The following CDH13 variants were observed in gnomAD, a reference collection of about 807,000 sequenced individuals.
CDH13 encodes cadherin 13, also known as cadherin-13.
CDH13 carries 24 observed loss-of-function variants against 63.8 expected under a neutral mutation model. The observed-to-expected ratio is 0.38, with a 90% CI of 0.27 to 0.53. CDH13 has a LOEUF of 0.53. Among genes scored for constraint, CDH13 ranks in the 20% least tolerant of loss-of-function variants. CDH13 has a pLI of 0.85. For synonymous variants in CDH13, 503 were observed against 355.3 expected (o/e 1.42, Z -4.67); for missense variants, 1,049 against 903.1 (o/e 1.16, Z -2.07).
chr16:83,033,863 T>A (rs1916607163), intron 3 of CDH13, among the ~76,000 whole-genome samples: 1 of 152,188 alleles, frequency 6.6e-6, no homozygotes, highest in Admixed American at 6.5e-5. Flanking sequence ...TTGGCATGCC[T>A]AGCCTTCTCT....
intron 3 of CDH13, among the ~76,000 whole-genome samples, chr16:83,060,892 T>C (rs2031482034): frequency 6.6e-6 from 1 of 152,174 alleles, no homozygotes; most frequent in Non-Finnish European, 1.5e-5. Flanking sequence ...TTCCAACTGG[T>C]ACTACTTGAT....
At position 83,069,471 on chromosome 16, in the gene CDH13, C is replaced by T. The variant is rs74597847; in HGVS notation, c.366+37253C>T. Among the ~76,000 whole-genome samples the T allele has an allele frequency of 5.2e-3, 798 of 152,248 alleles. 39 individuals carry two copies. The East Asian group carries it at 0.12, about 23-fold the overall frequency. ...ACATTTCATGTATGTAACAGCCCCC[C>T]CTAAGGTAGAAATTGTTATTGTCAT... On this transcript the variant is annotated intron_variant, in intron 3 of 13. Transcript: ENST00000567109.
chr16:83,754,634 A>C (rs1913355968), intron 11 of CDH13, among the ~76,000 whole-genome samples: 1 of 152,178 alleles, frequency 6.6e-6, no homozygotes, highest in Non-Finnish European at 1.5e-5. Flanking sequence ...AAGTCTCATG[A>C]GATCTGATGG....
chr16:83,720,576 C>G (rs1909560163), intron 10 of CDH13, among the ~76,000 whole-genome samples: 1 of 151,826 alleles, frequency 6.6e-6, no homozygotes, highest in Non-Finnish European at 1.5e-5. Flanking sequence ...GACCCCGTCT[C>G]TGTCTTTAAA....
intron 3 of CDH13, among the ~76,000 whole-genome samples, chr16:83,066,796 A>T (rs1249467343): frequency 6.6e-6 from 1 of 152,216 alleles, no homozygotes; most frequent in Admixed American, 6.5e-5. Flanking sequence ...CATGGTCAGC[A>T]CATTTTCTGC....
chr16:83,299,693 G>C (rs2089687280), intron 5 of CDH13, among the ~76,000 whole-genome samples: 1 of 152,186 alleles, frequency 6.6e-6, no homozygotes, highest in African/African-American at 2.4e-5. Flanking sequence ...CAAACACCTT[G>C]ACCAAAAGGC....
intron 4 of CDH13, among the ~76,000 whole-genome samples, chr16:83,186,383 C>G (rs1054559065): frequency 6.6e-6 from 1 of 151,944 alleles, no homozygotes; most frequent in Non-Finnish European, 1.5e-5. Flanking sequence ...TTGATCCACC[C>G]GCCTCGGCCT....
At chr16:83,673,281 A>C (rs1236471620) in intron 9 of CDH13, among the ~76,000 whole-genome samples, 2 of 152,242 alleles carry the variant, frequency 1.3e-5, no homozygotes, top group Non-Finnish European at 2.9e-5. Flanking sequence ...CGGACATAGC[A>C]CATTGCAGTC....
chr16:83,546,443 T>C (rs374229676), intron 7 of CDH13, among the ~76,000 whole-genome samples: 1 of 149,618 alleles, frequency 6.7e-6, no homozygotes, highest in Non-Finnish European at 1.5e-5. Context: ...TTTTTTTTTT[T>C]AATCAAAGAA....
intron 4 of CDH13, among the ~76,000 whole-genome samples, chr16:83,155,992 C>T (rs1360822255): frequency 6.6e-6 from 1 of 152,128 alleles, no homozygotes; most frequent in Non-Finnish European, 1.5e-5. Flanking sequence ...CGGGTGAGTC[C>T]ACATGCAGCC....
chr16:82,794,839 T>C (rs1166465836), intron 1 of CDH13, among the ~76,000 whole-genome samples: 10 of 152,212 alleles, frequency 6.6e-5, no homozygotes, highest in African/African-American at 1.9e-4. Flanking sequence ...TTCTTCTGCC[T>C]GAATTCCTCT....
chr16:83,782,532 T>C lies in CDH13; in HGVS notation c.1916-722T>C, dbSNP rs532420394. On this transcript the variant is annotated intron_variant, in intron 12 of 13. Transcript: ENST00000567109. Reference sequence around the variant, plus strand: ...AGGCAGATCACCTGAGGTCAGGAGTTTGAGACCAGCATGGCCAATATGGTG... The same window carrying C: ...AGGCAGATCACCTGAGGTCAGGAGTCTGAGACCAGCATGGCCAATATGGTG... Among the ~76,000 whole-genome samples the C allele has an allele frequency of 4.2e-4, 64 of 152,132 alleles. 1 individual carries two copies. The South Asian group carries it at 7.1e-3, about 17-fold the overall frequency.
chr16:83,018,774 T>C (rs1206673615), intron 2 of CDH13, among the ~76,000 whole-genome samples: 1 of 152,230 alleles, frequency 6.6e-6, no homozygotes, highest in Non-Finnish European at 1.5e-5. Context: ...GCTACTAACA[T>C]ATATAGCACG....
chr16:83,061,472 C>T (rs1271086152), intron 3 of CDH13, among the ~76,000 whole-genome samples: 1 of 152,178 alleles, frequency 6.6e-6, no homozygotes, highest in Admixed American at 6.5e-5. Flanking sequence ...GAGTAACTGG[C>T]AGGTCCAGAT....
intron 4 of CDH13, among the ~76,000 whole-genome samples, chr16:83,203,107 T>C (rs1258718714): frequency 1.3e-5 from 2 of 152,102 alleles, no homozygotes; most frequent in Non-Finnish European, 2.9e-5. Context: ...GCCTGTAATC[T>C]TAGCTACTTG....
At chr16:83,610,625 G>C (rs189146858) in intron 8 of CDH13, among the ~76,000 whole-genome samples, 1 of 152,062 alleles carries the variant, frequency 6.6e-6, no homozygotes, top group Admixed American at 6.5e-5. Flanking sequence ...ACTAACTTTT[G>C]TGAGACTTAT....
intron 2 of CDH13, among the ~76,000 whole-genome samples, chr16:83,009,593 C>G (rs944885076): frequency 1.3e-5 from 2 of 152,106 alleles, no homozygotes; most frequent in African/African-American, 2.4e-5. Flanking sequence ...ACATCTGAAC[C>G]CAGGACCACT....
intron 2 of CDH13, among the ~76,000 whole-genome samples, chr16:82,923,949 AG>A (rs1430280316): frequency 1.3e-5 from 2 of 152,222 alleles, no homozygotes; most frequent in African/African-American, 4.8e-5. Flanking sequence ...GGACCCCAAA[AG>A]CAATATCTTC....
chr16:83,775,723 T>G (rs1277537338), intron 11 of CDH13, among the ~76,000 whole-genome samples: 1 of 145,506 alleles, frequency 6.9e-6, no homozygotes, highest in Non-Finnish European at 1.5e-5. Flanking sequence ...GTCTCAAAAA[T>G]AAAAAAAAAG....
Sources: gnomAD v4.1 joint callset for allele counts (sites outside exome capture counted in the v4.1 genomes callset) on GRCh38, gnomAD v4.1.1 for gene constraint, MANE v1.5 for transcripts, NCBI Gene and HGNC (gene_info 2026-07-23, HGNC 2026-07-21) for gene names.